The following SLC2A13 variants were observed in gnomAD, a reference collection of about 807,000 sequenced individuals.
SLC2A13 encodes the protein proton myo-inositol cotransporter.
SLC2A13 carries 32 observed loss-of-function variants against 64.4 expected under a neutral mutation model. That is an observed-to-expected ratio of 0.50 (90% CI 0.37 to 0.67). SLC2A13 has a LOEUF of 0.67. SLC2A13 is among the 30% of genes least tolerant of loss of function. SLC2A13 has a pLI of 0.00. For missense variants in SLC2A13, 743 were observed against 829.2 expected, an observed-to-expected ratio of 0.90 and a Z score of 1.28; for synonymous variants, 338 against 327.1, an observed-to-expected ratio of 1.03 and a Z score of -0.36.
chr12:40,014,842 G>A (rs957598400), intron 3 of SLC2A13, among the ~76,000 whole-genome samples: 17 of 152,272 alleles, frequency 1.1e-4, no homozygotes, highest in Admixed American at 3.3e-4. Context: ...GATTTCTATC[G>A]TAATGCTATA....
At chr12:40,027,887 A>G (rs893457936) in intron 3 of SLC2A13, among the ~76,000 whole-genome samples, 11 of 152,202 alleles carry the variant, frequency 7.2e-5, no homozygotes, top group African/African-American at 2.7e-4. Context: ...TCATCAACAT[A>G]AATTAACATG....
intron 5 of SLC2A13, among the ~76,000 whole-genome samples, chr12:39,871,249 T>C (rs1944044740): frequency 1.3e-5 from 2 of 152,212 alleles, no homozygotes; most frequent in Non-Finnish European, 1.5e-5. Context: ...TGCTTTATTT[T>C]GCTATCATAG....
intron 3 of SLC2A13, among the ~76,000 whole-genome samples, chr12:39,996,032 G>A (rs761667738): frequency 2.0e-5 from 3 of 152,168 alleles, no homozygotes; most frequent in Non-Finnish European, 1.5e-5. Context: ...GGAGTGGGGC[G>A]CTGCTGAAAA....
chr12:39,834,055 T>G (rs535357800), intron 6 of SLC2A13, among the ~76,000 whole-genome samples: 1 of 152,180 alleles, frequency 6.6e-6, no homozygotes, highest in Admixed American at 6.6e-5. Flanking sequence ...GATCGTACCC[T>G]TTTGTTCTCC....
intron 3 of SLC2A13, among the ~76,000 whole-genome samples, chr12:40,000,822 G>A (rs570358808): frequency 3.8e-4 from 58 of 152,190 alleles, no homozygotes; most frequent in Non-Finnish European, 7.2e-4. Flanking sequence ...CACATTATAA[G>A]GAACTGGGGG....
chr12:39,915,991 C>T (rs748439825), intron 4 of SLC2A13, among the ~76,000 whole-genome samples: 4 of 151,842 alleles, frequency 2.6e-5, no homozygotes, highest in East Asian at 1.9e-4. Flanking sequence ...GCCTTTTACT[C>T]CTATTTCCAA....
chr12:39,982,411 T>C (rs1159811734), intron 3 of SLC2A13, among the ~76,000 whole-genome samples: 1 of 148,766 alleles, frequency 6.7e-6, no homozygotes, highest in Non-Finnish European at 1.5e-5. Flanking sequence ...ACGACATGAT[T>C]GTTTACCTAG....
chr12:39,967,004 T>G (rs1946530147), intron 3 of SLC2A13, among the ~76,000 whole-genome samples: 1 of 152,200 alleles, frequency 6.6e-6, no homozygotes, highest in African/African-American at 2.4e-5. Flanking sequence ...TGTTTTATTT[T>G]GAGGCATGTC....
intron 4 of SLC2A13, among the ~76,000 whole-genome samples, chr12:39,894,906 A>C (rs1374796429): frequency 1.3e-5 from 2 of 152,234 alleles, no homozygotes; most frequent in Non-Finnish European, 2.9e-5. Flanking sequence ...TCGGATGCTT[A>C]CAAGAATTGT....
intron 6 of SLC2A13, among the ~76,000 whole-genome samples, chr12:39,841,956 AG>A (rs1943190537): frequency 6.6e-6 from 1 of 152,082 alleles, no homozygotes; most frequent in Non-Finnish European, 1.5e-5. Context: ...TACCATGCAA[AG>A]AGGCTATACT....
intron 4 of SLC2A13, among the ~76,000 whole-genome samples, chr12:39,882,887 A>G (rs1393630645): frequency 6.6e-6 from 1 of 152,222 alleles, no homozygotes; most frequent in Non-Finnish European, 1.5e-5. Context: ...TTAGATATAC[A>G]TCATATTTCT....
At chr12:39,836,488 G>A (rs1048276557) in intron 6 of SLC2A13, among the ~76,000 whole-genome samples, 9 of 151,828 alleles carry the variant, frequency 5.9e-5, no homozygotes, top group Non-Finnish European at 1.2e-4. Context: ...GTTCTGGCCA[G>A]GGCAATTAGG....
rs199796127 is a variant in SLC2A13 at position 40,105,572 on chromosome 12, G to A, written c.237C>T (p.Ala79=). 2 of 1,570,424 alleles carry A rather than the reference G, an allele frequency of 1.3e-6. No individual in the cohort carries two copies. Among genetic ancestry groups the A allele is most frequent in the Non-Finnish European group, 1.7e-6 (2 of 1,161,170 alleles). Residue 79 remains alanine (A), a synonymous_variant, in exon 1 of 10, where the codon GCC becomes GCT. Transcript: ENST00000280871. This position sits in a 1 kb window ranked among gnomAD's most constrained non-coding sequence, Gnocchi z 4.2. ...RRQFQQDETP[A]FVYVVAVFSA... ...AGAAGACGGCCACCACGTACACGAA[G>A]GCGGGGGTCTCGTCCTGCTGGAACT... is the stretch of plus-strand genomic sequence containing the variant.
At chr12:39,970,932 G>A (rs1470376024) in intron 3 of SLC2A13, among the ~76,000 whole-genome samples, 2 of 151,958 alleles carry the variant, frequency 1.3e-5, no homozygotes, top group Non-Finnish European at 2.9e-5. Flanking sequence ...ATCATGTAAC[G>A]GACTGCATTT....
intron 4 of SLC2A13, among the ~76,000 whole-genome samples, chr12:39,900,410 A>T (rs1055276012): frequency 1.3e-5 from 2 of 152,186 alleles, no homozygotes; most frequent in African/African-American, 2.4e-5. Flanking sequence ...CCCTGTTTGC[A>T]GATGACATGA....
At chr12:39,988,921 A>G (rs562797362) in intron 3 of SLC2A13, among the ~76,000 whole-genome samples, 43 of 152,220 alleles carry the variant, frequency 2.8e-4, no homozygotes, top group Admixed American at 5.2e-4. Flanking sequence ...CACAACCCCC[A>G]TAGCAATCAC....
In SLC2A13 at chr12:39,769,261, A is replaced by G. The variant is rs377001742; in HGVS notation, c.1446-4403T>C. 2.2e-4 allele frequency among the ~76,000 whole-genome samples: 33 copies of G among 152,234 alleles called. No homozygotes were observed. The South Asian group carries it at 6.8e-3, about 32-fold the overall frequency. On this transcript the variant is annotated intron_variant, in intron 7 of 9. Transcript: ENST00000280871. ...ATTAAAATATTTCTTACTATCTTGT[A>G]ATCCTGAAATCTTTCCTTCTGTTTC...
intron 4 of SLC2A13, among the ~76,000 whole-genome samples, chr12:39,906,349 G>T (rs1414760449): frequency 6.6e-6 from 1 of 152,084 alleles, no homozygotes; most frequent in Admixed American, 6.6e-5. Flanking sequence ...GTCATTGTCA[G>T]TCCTCCTGCT....
intron 6 of SLC2A13, among the ~76,000 whole-genome samples, chr12:39,844,953 T>A (rs1444486612): frequency 6.6e-6 from 1 of 152,030 alleles, no homozygotes; most frequent in Non-Finnish European, 1.5e-5. Context: ...GTTTTTAATA[T>A]GGACTAATGG....
Sources: allele counts gnomAD v4.1 joint callset (sites outside exome capture counted in the v4.1 genomes callset), GRCh38; gene constraint gnomAD v4.1.1; non-coding constraint Gnocchi (gnomAD v3.1); transcripts MANE v1.5; gene names NCBI Gene and HGNC (gene_info 2026-07-23, HGNC 2026-07-21).